Variants in NRCAM observed in about 807,000 individuals in gnomAD.
NRCAM encodes neuronal cell adhesion molecule.
Under a neutral mutation model 156.5 loss-of-function variants are expected in NRCAM, and 83 were observed. The ratio of observed to expected loss-of-function variants is 0.53; its 90% CI spans 0.44 to 0.64. The LOEUF is 0.64. Among genes scored for constraint, NRCAM ranks in the 30% least tolerant of loss-of-function variants. The pLI is 0.00. For missense variants in NRCAM, 1,417 were observed against 1,597.3 expected, an observed-to-expected ratio of 0.89 and a Z score of 1.92; for synonymous variants, 538 against 563.9, an observed-to-expected ratio of 0.95 and a Z score of 0.65.
At chr7:108,196,657 G>A (rs1426529371) in intron 14 of NRCAM, among the ~76,000 whole-genome samples, 1 of 152,080 alleles carries the variant, frequency 6.6e-6, no homozygotes, top group Non-Finnish European at 1.5e-5. Context: ...TTATTAGAAT[G>A]GCTATTATCA....
intron 3 of NRCAM, among the ~76,000 whole-genome samples, chr7:108,284,105 AG>A (rs1391122777): frequency 2.0e-5 from 3 of 152,142 alleles, no homozygotes; most frequent in Non-Finnish European, 4.4e-5. Context: ...TACAGGTGTA[AG>A]CCATTATGCC....
At chr7:108,394,674 A>G (rs1232837719) in intron 2 of NRCAM, among the ~76,000 whole-genome samples, 1 of 152,252 alleles carries the variant, frequency 6.6e-6, no homozygotes, top group East Asian at 1.9e-4. Context: ...GATAGTTATT[A>G]TCCAGGTGGA....
At position 108,148,157 on chromosome 7, in the gene NRCAM, TCTG is replaced by T. The variant is rs1429795141; in HGVS notation, c.*1750_*1752del. The T allele has an allele frequency of 6.6e-5, 10 of 152,466 alleles. No individual in the cohort carries two copies. Among genetic ancestry groups the T allele is most frequent in the Admixed American group, 2.6e-4 (4 of 15,264 alleles). The allele number at this position is 152,466 out of a possible 1,614,324, so 9.4% of individuals were successfully genotyped here. ...AAGCTCTGAAGATTTCATCGAAAAA[TCTG>T]CTGTCAATACGTAGAAAAGTTCACT... On this transcript the variant is annotated 3_prime_UTR_variant, in exon 33 of 33. Coordinates refer to ENST00000379028, the MANE Select transcript of NRCAM (RefSeq NM_001037132.4).
intron 1 of NRCAM, among the ~76,000 whole-genome samples, chr7:108,417,802 T>C (rs1395027292): frequency 6.6e-6 from 1 of 152,162 alleles, no homozygotes; most frequent in Non-Finnish European, 1.5e-5. Context: ...GAGGTGACAC[T>C]GGTGTTAATA....
chr7:108,233,167 T>C (rs2094521200), intron 6 of NRCAM, among the ~76,000 whole-genome samples: 1 of 152,224 alleles, frequency 6.6e-6, no homozygotes, highest in African/African-American at 2.4e-5. Flanking sequence ...TCTTTCTCCA[T>C]TTTATTTTTA....
chr7:108,318,623 T>C (rs1213721943), intron 2 of NRCAM, among the ~76,000 whole-genome samples: 1 of 152,170 alleles, frequency 6.6e-6, no homozygotes, highest in East Asian at 1.9e-4. Flanking sequence ...CTCAGGAAAG[T>C]GACCATGAGT....
chr7:108,197,930 A>G (rs1382986728), intron 14 of NRCAM, 26 bp downstream of exon 14: 2 of 1,524,438 alleles, frequency 1.3e-6, no homozygotes, highest in Non-Finnish European at 1.8e-6. Context: ...TTAATTTGCC[A>G]TGTCTTTAAT....
intron 2 of NRCAM, among the ~76,000 whole-genome samples, chr7:108,396,649 T>G (rs1044890865): frequency 1.8e-4 from 28 of 152,254 alleles, no homozygotes; most frequent in African/African-American, 6.5e-4. Flanking sequence ...TTAATCTGGT[T>G]TAATCATTAC....
At chr7:108,173,005 G>C (rs1417486051) in intron 28 of NRCAM, among the ~76,000 whole-genome samples, 2 of 63,008 alleles carry the variant, frequency 3.2e-5, no homozygotes, top group Non-Finnish European at 6.4e-5. Flanking sequence ...TTTTTTTTTT[G>C]AGATGGAGTT....
At chr7:108,337,522 C>T (rs112422715) in intron 2 of NRCAM, among the ~76,000 whole-genome samples, 1 of 152,184 alleles carries the variant, frequency 6.6e-6, no homozygotes, top group Non-Finnish European at 1.5e-5. Context: ...CACTCCCAAT[C>T]GGGCTAAAGG....
intron 1 of NRCAM, among the ~76,000 whole-genome samples, chr7:108,407,791 T>C (rs1269174549): frequency 1.3e-5 from 2 of 152,230 alleles, no homozygotes; most frequent in East Asian, 3.8e-4. Context: ...GTGTTGATGG[T>C]TTCACAGGTG....
At chr7:108,353,187 T>C (rs2099433719) in intron 2 of NRCAM, among the ~76,000 whole-genome samples, 2 of 152,202 alleles carry the variant, frequency 1.3e-5, no homozygotes, top group Non-Finnish European at 2.9e-5. Context: ...CTTCCAGTGC[T>C]GTGTTGGCCT....
In NRCAM at chr7:108,180,296, C is replaced by A. The variant is rs2062757420; in HGVS notation, c.2778G>T (p.Leu926=). 2 of 1,614,192 alleles carry A rather than the reference C, an allele frequency of 1.2e-6. No homozygotes were observed. The highest frequency in any genetic ancestry group is 1.7e-6 in the Non-Finnish European group (2 of 1,180,026). The change falls in exon 25 of 33, where the codon CTG becomes CTT. Residue 926 remains leucine, a synonymous_variant. Coordinates refer to ENST00000379028, the MANE Select transcript of NRCAM (RefSeq NM_001037132.4). ...PGLEPFSHYT[L]NVRVVNGKGE... ...CTTTCCCATTGACCACTCGGACATTCAGTGTGTAGTGGCTAAAGGGCTCTA... is the reference window on the plus strand; with the variant it reads ...CTTTCCCATTGACCACTCGGACATTAAGTGTGTAGTGGCTAAAGGGCTCTA...
intron 2 of NRCAM, among the ~76,000 whole-genome samples, chr7:108,337,545 C>G (rs2099212137): frequency 6.6e-6 from 1 of 152,206 alleles, no homozygotes; most frequent in Non-Finnish European, 1.5e-5. Context: ...TGCCATTGTT[C>G]CTGCATGGCT....
Position 108,222,528 on chromosome 7 carries a change from A to G in NRCAM, c.890+1197T>C, listed in dbSNP as rs751200793. Reference sequence around the variant, plus strand: ...GCAGACTATGCCACTCTCTTACACCATAACGATGGAAACTGGGAGGATTTT... The same window carrying G: ...GCAGACTATGCCACTCTCTTACACCGTAACGATGGAAACTGGGAGGATTTT... On this transcript the variant is annotated intron_variant, in intron 11 of 32. Coordinates refer to ENST00000379028, the MANE Select transcript of NRCAM (RefSeq NM_001037132.4). Among the ~76,000 whole-genome samples the G allele has an allele frequency of 2.0e-5, 3 of 152,232 alleles. No homozygotes were observed. The East Asian group carries it at 5.8e-4, about 29-fold the overall frequency.
At chr7:108,453,125 T>G (rs570964191) in intron 1 of NRCAM, among the ~76,000 whole-genome samples, 1 of 152,254 alleles carries the variant, frequency 6.6e-6, no homozygotes, top group African/African-American at 2.4e-5. Flanking sequence ...GTATCCCCAC[T>G]GCCTGGAACA....
At chr7:108,409,583 C>T (rs2300039) in intron 1 of NRCAM, among the ~76,000 whole-genome samples, 78,731 of 152,112 alleles carry the variant, frequency 0.52, 22,494 homozygotes, top group South Asian at 0.78. Flanking sequence ...GAGGACAGGT[C>T]GCTCCTCCTT....
intron 3 of NRCAM, among the ~76,000 whole-genome samples, chr7:108,289,859 G>A (rs563540239): frequency 6.6e-5 from 10 of 152,232 alleles, no homozygotes; most frequent in Admixed American, 2.6e-4. Flanking sequence ...AAACTTTGGG[G>A]CTGGGGACTA....
chr7:108,277,903 G>C (rs143765152), intron 3 of NRCAM, among the ~76,000 whole-genome samples: 1 of 152,170 alleles, frequency 6.6e-6, no homozygotes, highest in Non-Finnish European at 1.5e-5. Context: ...TGATGTTGGT[G>C]ACCTAGAGAT....
Sources: allele counts gnomAD v4.1 joint callset (sites outside exome capture counted in the v4.1 genomes callset), GRCh38; gene constraint gnomAD v4.1.1; transcripts MANE v1.5; gene names NCBI Gene and HGNC (gene_info 2026-07-23, HGNC 2026-07-21).